Variants in COQ8A observed in about 807,000 individuals in gnomAD.
The protein encoded by COQ8A is atypical kinase COQ8A, mitochondrial.
In COQ8A, 51 loss-of-function variants were observed where a neutral mutation model predicts 65.0. That is an observed-to-expected ratio of 0.78 (90% CI 0.63 to 0.99). The LOEUF is 0.99. Among genes scored for constraint, COQ8A ranks in the 50% least tolerant of loss-of-function variants. The pLI is 0.00. For synonymous variants in COQ8A, 371 were observed against 353.2 expected (o/e 1.05, Z -0.57); for missense variants, 940 against 875.0 (o/e 1.07, Z -0.94).
chr1:226,981,890 A>C, intron 5 of COQ8A, 137 bp from the exon 6 acceptor site: 1 of 1,311,288 alleles, frequency 7.6e-7, no homozygotes, highest in Non-Finnish European at 1.1e-6. Flanking sequence ...ATGGAACAGT[A>C]GTTAGTTATG....
chr1:226,975,595 G>C (rs1397823356), intron 4 of COQ8A, among the ~76,000 whole-genome samples: 1 of 152,236 alleles, frequency 6.6e-6, no homozygotes, highest in Non-Finnish European at 1.5e-5. Context: ...CAGTGTGGCT[G>C]CTAGAAAAGT....
Position 226,986,518 on chromosome 1 carries a change from T to G in COQ8A, c.1725T>G (p.Pro575=). The G allele has an allele frequency of 6.2e-7, 1 of 1,613,478 alleles. No homozygotes were observed. Among genetic ancestry groups the G allele is most frequent in the Non-Finnish European group, 8.5e-7 (1 of 1,179,924 alleles). ...ILGEAFASDE[P]FDFGTQSTTE... ...GGGAGGCCTTCGCCTCTGATGAGCC[T>G]TTTGATTTTGGCACTCAGAGCACCA... Residue 575 remains proline, a synonymous_variant, in exon 15 of 15, where the codon CCT becomes CCG. Coordinates refer to ENST00000366777, the MANE Select transcript of COQ8A (RefSeq NM_020247.5).
At position 226,982,666 on chromosome 1, in the gene COQ8A, C is replaced by G. The variant is rs771911875; in HGVS notation, c.854-12C>G. ...CCCCAGGTTCGCCCTGTGTCATTCT[C>G]CTGCCTTCCAGATGATGCCTTTATC... On this transcript the variant is annotated splice_polypyrimidine_tract_variant and intron_variant, in intron 6 of 14. Transcript: ENST00000366777. The G allele has an allele frequency of 1.9e-6, 3 of 1,612,618 alleles. No individual in the cohort carries two copies. Among genetic ancestry groups the G allele is most frequent in the East Asian group, 4.5e-5 (2 of 44,844 alleles).
chr1:226,985,243 CCT>C lies in COQ8A; in HGVS notation c.1573-7_1573-6del, dbSNP rs1660018090. On this transcript the variant is annotated splice_polypyrimidine_tract_variant and intron_variant, in intron 13 of 14. Coordinates refer to ENST00000366777, the MANE Select transcript of COQ8A (RefSeq NM_020247.5). ...ATGCTGCCCACGGTCCCCTCCTGTGCCTCTCCCCAGATCATCAGGGCTGCTGC... is the reference window on the plus strand; with the variant it reads ...ATGCTGCCCACGGTCCCCTCCTGTGCCTCCCCAGATCATCAGGGCTGCTGC... 2 of 1,612,884 alleles carry C rather than the reference CCT, an allele frequency of 1.2e-6. No homozygotes were observed. The highest frequency in any genetic ancestry group is 1.7e-6 in the Non-Finnish European group (2 of 1,179,850).
intron 4 of COQ8A, among the ~76,000 whole-genome samples, chr1:226,973,153 G>A (rs1658994734): frequency 6.6e-6 from 1 of 152,264 alleles, no homozygotes; most frequent in South Asian, 2.1e-4. Context: ...AGCCTGATTT[G>A]CTGAGGGCAC....
intron 11 of COQ8A, 56 bp downstream of exon 11, chr1:226,984,291 T>C (rs1659933026): frequency 6.2e-7 from 1 of 1,607,550 alleles, no homozygotes; most frequent in Non-Finnish European, 8.5e-7. Flanking sequence ...TGTGGCTGTT[T>C]GGTGACCTAA....
intron 1 of COQ8A, among the ~76,000 whole-genome samples, chr1:226,951,552 C>T (rs1237996712): frequency 6.6e-6 from 1 of 152,180 alleles, no homozygotes; most frequent in Admixed American, 6.5e-5. Flanking sequence ...GCGAGGTGAG[C>T]CCATTTCTCA....
At chr1:226,963,690 C>T (rs899851528) in intron 2 of COQ8A, among the ~76,000 whole-genome samples, 10 of 152,304 alleles carry the variant, frequency 6.6e-5, no homozygotes, top group South Asian at 2.1e-4. Flanking sequence ...CTGCAACCTC[C>T]GCCTCCCAGG....
In COQ8A at chr1:226,984,258, G is replaced by C. The variant is rs753541041; in HGVS notation, c.1398+23G>C. 24 of 1,612,536 alleles carry C rather than the reference G, an allele frequency of 1.5e-5. No individual in the cohort carries two copies. The Middle Eastern group carries it at 6.7e-4, about 45-fold the overall frequency. Reference sequence around the variant, plus strand: ...GAGGTTTGTCTGTGCCAGCAGACAGGTGGGGCCAGGGTGGCCCTGCTGTGT... The same window carrying C: ...GAGGTTTGTCTGTGCCAGCAGACAGCTGGGGCCAGGGTGGCCCTGCTGTGT... On this transcript the variant is annotated intron_variant, in intron 11 of 14. Transcript: ENST00000366777.
At chr1:226,960,369 GGTGGTGGTACTTGGTGGTGTCA>G (rs1182139926) in intron 1 of COQ8A, among the ~76,000 whole-genome samples, 15 of 150,232 alleles carry the variant, frequency 1.0e-4, no homozygotes, top group Non-Finnish European at 1.9e-4. Context: ...GCTTGGTGGT[GGTGGTGGTACTTGGTGGTGTCA>G]GTGGTGGTAC....
intron 1 of COQ8A, among the ~76,000 whole-genome samples, chr1:226,959,048 C>T (rs1346450430): frequency 6.6e-6 from 1 of 151,412 alleles, no homozygotes; most frequent in Non-Finnish European, 1.5e-5. Context: ...CTTGGTACAC[C>T]CCTGGAAGGG....
rs3806263 is a variant in COQ8A at position 226,977,396 on chromosome 1, G to A, written c.656-53G>A. 0.22 allele frequency: 336,829 copies of A among 1,523,786 alleles called. 38,095 individuals are homozygous for A. Among genetic ancestry groups the A allele is most frequent in the African/African-American group, 0.31 (22,394 of 72,672 alleles). The allele number at this position is 1,523,786 out of a possible 1,614,324, so 94.4% of individuals were successfully genotyped here. ...CCCCAGGCCTTGTGGGTGGGCGAGC[G>A]GGTGGCCCCAGCCCTGCGTGAGCAC... On this transcript the variant is annotated intron_variant, in intron 4 of 14. Transcript: ENST00000366777.
intron 14 of COQ8A, among the ~76,000 whole-genome samples, chr1:226,985,999 C>T (rs575670570): frequency 2.0e-5 from 3 of 152,314 alleles, no homozygotes; most frequent in Admixed American, 6.5e-5. Context: ...CTGTCCCTGG[C>T]GGCAGCTCCT....
In COQ8A at chr1:226,984,151, C is replaced by T. The variant is rs1659914985; in HGVS notation, c.1314C>T (p.Cys438=). 6.2e-7 allele frequency: 1 copy of T among 1,613,878 alleles called. No individual in the cohort carries two copies. Among genetic ancestry groups the T allele is most frequent in the Non-Finnish European group, 8.5e-7 (1 of 1,179,992 alleles). The change falls in exon 11 of 15, where the codon TGC becomes TGT. Residue 438 remains cysteine (C), a synonymous_variant. Coordinates refer to ENST00000366777, the MANE Select transcript of COQ8A (RefSeq NM_020247.5). ...FYVPEIVDEL[C]SPHVLTTELV... ...TGCCTGAGATTGTGGATGAGCTCTG[C>T]AGCCCACATGTGCTGACCACAGAGC...
Position 226,982,725 on chromosome 1 carries a change from C to T in COQ8A, c.901C>T (p.Arg301Trp), listed in dbSNP as rs140246430. The T allele has an allele frequency of 2.7e-5, 43 of 1,613,556 alleles. No individual in the cohort carries two copies. Among genetic ancestry groups the T allele is most frequent in the Non-Finnish European group, 3.2e-5 (38 of 1,180,032 alleles). Residue 301 changes from arginine to tryptophan, a missense_variant, in exon 7 of 15, where the codon CGG becomes TGG. Physicochemically the swap from Arg to Trp is moderately radical, Grantham distance 101. Coordinates refer to ENST00000366777, the MANE Select transcript of COQ8A (RefSeq NM_020247.5). ...CCTGGCTAAGATCTTCGAGCGGGTG[C>T]GGCAGAGCGCGGACTTCATGCCACT... The part of the protein sequence containing the change: ...PHLAKIFERV[R>W]QSADFMPLKQ...
At chr1:226,983,956 G>C in intron 10 of COQ8A, 102 bp downstream of exon 10, 1 of 1,543,728 alleles carries the variant, frequency 6.5e-7, no homozygotes, top group Non-Finnish European at 8.8e-7. Context: ...GGGGCAGAGG[G>C]CTGGGGTTGC....
chr1:226,975,544 T>C (rs1446610979), intron 4 of COQ8A, among the ~76,000 whole-genome samples: 1 of 152,288 alleles, frequency 6.6e-6, no homozygotes, highest in Non-Finnish European at 1.5e-5. Context: ...AAGTAAATTA[T>C]ACTATTAGAA....
intron 4 of COQ8A, among the ~76,000 whole-genome samples, chr1:226,976,181 TG>T (rs1659196647): frequency 3.7e-5 from 1 of 26,932 alleles, no homozygotes; most frequent in South Asian, 8.3e-4. Context: ...GCTGCGGGGC[TG>T]CGGGACTGCG....
At position 226,965,148 on chromosome 1, in the gene COQ8A, A is replaced by G; in HGVS notation, c.326A>G (p.His109Arg). The part of the protein sequence containing the change: ...PDQSAPPSLG[H>R]AHSEGPAPAY... ...CAGTCAGCGCCCCCATCCCTGGGTC[A>G]TGCCCACAGCGAGGGCCCAGCTCCT... Residue 109 changes from histidine (H) to arginine (R), a missense_variant, in exon 3 of 15, where the codon CAT (histidine) becomes CGT (arginine). Transcript: ENST00000366777. 6.2e-7 allele frequency: 1 copy of G among 1,613,900 alleles called. No individual in the cohort carries two copies. The highest frequency in any genetic ancestry group is 8.5e-7 in the Non-Finnish European group (1 of 1,180,032).
Sources: gnomAD v4.1 joint callset for allele counts (sites outside exome capture counted in the v4.1 genomes callset) on GRCh38, gnomAD v4.1.1 for gene constraint, MANE v1.5 for transcripts, NCBI Gene and HGNC (gene_info 2026-07-23, HGNC 2026-07-21) for gene names.